COL25A1: variants seen among roughly 807,000 people sequenced by gnomAD.
COL25A1 encodes the protein collagen alpha-1(XXV) chain.
A neutral mutation model predicts 128.4 loss-of-function variants in COL25A1; 103 were observed. The observed-to-expected ratio is 0.80, with a 90% CI of 0.68 to 0.94. COL25A1 has a LOEUF of 0.94. COL25A1 is among the 40% of genes least tolerant of loss of function. The pLI is 0.00. For synonymous variants in COL25A1, 279 were observed against 277.2 expected, an observed-to-expected ratio of 1.01 and a Z score of -0.06; for missense variants, 745 against 840.0, an observed-to-expected ratio of 0.89 and a Z score of 1.40.
At chr4:108,894,890 A>T (rs1399471369) in intron 16 of COL25A1, among the ~76,000 whole-genome samples, 1 of 152,196 alleles carries the variant, frequency 6.6e-6, no homozygotes, top group African/African-American at 2.4e-5. Flanking sequence ...TACAGCAGTG[A>T]TACTCAACTG....
At chr4:109,084,407 CTTA>C (rs1289438681) in intron 3 of COL25A1, among the ~76,000 whole-genome samples, 1 of 152,054 alleles carries the variant, frequency 6.6e-6, no homozygotes, top group African/African-American at 2.4e-5. Context: ...AAGGAAGCTG[CTTA>C]TAAGTTAGCT....
intron 3 of COL25A1, among the ~76,000 whole-genome samples, chr4:109,218,363 T>TTTTTTTTTGTTTTTTTTTTG (rs1578471061): frequency 1.5e-5 from 2 of 135,760 alleles, no homozygotes; most frequent in Admixed American, 7.5e-5. Context: ...TGGGGTTTTT[T>TTTTTTTTTGTTTTTTTTTTG]TTTTTTTTTT....
rs528024183 is a variant in COL25A1, at chr4:109,042,845, T to C, written c.420+5323A>G. On this transcript the variant is annotated intron_variant, in intron 5 of 37. Coordinates refer to ENST00000399132, the MANE Select transcript of COL25A1 (RefSeq NM_198721.4). Reference sequence around the variant, plus strand: ...TAATTAGATGATTTGCGAGTTTGTTTTGAGTAACTGGCAGTTTAAAAGAGC... The same window carrying C: ...TAATTAGATGATTTGCGAGTTTGTTCTGAGTAACTGGCAGTTTAAAAGAGC... Among the ~76,000 whole-genome samples, 137 of 152,196 alleles carry C rather than the reference T, an allele frequency of 9.0e-4. 5 individuals carry two copies. The highest frequency in any genetic ancestry group is 6.8e-4 in the Non-Finnish European group (46 of 67,964).
At chr4:109,276,501 T>G (rs2126270262) in intron 3 of COL25A1, among the ~76,000 whole-genome samples, 1 of 152,162 alleles carries the variant, frequency 6.6e-6, no homozygotes, top group South Asian at 2.1e-4. Context: ...ATAGTATAAT[T>G]CTTTGGGGGG....
At chr4:108,871,215 C>G (rs954295506) in intron 19 of COL25A1, among the ~76,000 whole-genome samples, 1 of 152,054 alleles carries the variant, frequency 6.6e-6, no homozygotes, top group African/African-American at 2.4e-5. Flanking sequence ...ATCGATAGTT[C>G]TTTGAAACAG....
At chr4:108,874,689 T>C (rs1469267902) in intron 19 of COL25A1, among the ~76,000 whole-genome samples, 3 of 152,204 alleles carry the variant, frequency 2.0e-5, no homozygotes, top group Non-Finnish European at 4.4e-5. Flanking sequence ...GGACATTTTC[T>C]GAAAGTGTTT....
intron 8 of COL25A1, among the ~76,000 whole-genome samples, chr4:108,965,365 T>C (rs1388872070): frequency 6.6e-6 from 1 of 152,222 alleles, no homozygotes; most frequent in East Asian, 1.9e-4. Flanking sequence ...TTATCAGGAC[T>C]CTGTGTTATT....
intron 3 of COL25A1, among the ~76,000 whole-genome samples, chr4:109,074,010 G>A (rs558547905): frequency 5.3e-5 from 8 of 152,300 alleles, no homozygotes; most frequent in East Asian, 3.9e-4. Flanking sequence ...GACCAGTTTC[G>A]TGGAAGACAA....
intron 6 of COL25A1, among the ~76,000 whole-genome samples, chr4:109,000,953 C>A (rs1561002757): frequency 6.6e-6 from 1 of 151,234 alleles, no homozygotes; most frequent in East Asian, 1.9e-4. Flanking sequence ...GAAGAAAAGG[C>A]AAAAAGAAAA....
At chr4:109,146,349 A>G (rs973425825) in intron 3 of COL25A1, among the ~76,000 whole-genome samples, 5 of 152,240 alleles carry the variant, frequency 3.3e-5, no homozygotes, top group African/African-American at 1.2e-4. Flanking sequence ...CAGAATCATA[A>G]AAGCATCCTG....
At chr4:109,084,728 GA>G (rs901733493) in intron 3 of COL25A1, among the ~76,000 whole-genome samples, 15 of 152,158 alleles carry the variant, frequency 9.9e-5, no homozygotes, top group African/African-American at 3.6e-4. Flanking sequence ...GATTCATTTA[GA>G]ATGCAAAATC....
intron 3 of COL25A1, among the ~76,000 whole-genome samples, chr4:109,151,599 G>A (rs534286439): frequency 3.2e-4 from 49 of 152,166 alleles, no homozygotes; most frequent in African/African-American, 1.1e-3. Flanking sequence ...TGTATCAACT[G>A]GTTATGGGAA....
At chr4:109,011,980 G>A (rs533433960) in intron 5 of COL25A1, among the ~76,000 whole-genome samples, 24 of 152,280 alleles carry the variant, frequency 1.6e-4, no homozygotes, top group East Asian at 7.7e-4. Flanking sequence ...AGCACTAAAC[G>A]TAGAGAAGAT....
intron 13 of COL25A1, among the ~76,000 whole-genome samples, chr4:108,902,306 A>T (rs1742936321): frequency 6.6e-6 from 1 of 151,950 alleles, no homozygotes; most frequent in African/African-American, 2.4e-5. Flanking sequence ...TGAGGTAGGT[A>T]CTATTTTTAT....
intron 3 of COL25A1, among the ~76,000 whole-genome samples, chr4:109,135,879 C>G (rs1001526331): frequency 3.9e-5 from 6 of 152,158 alleles, no homozygotes; most frequent in African/African-American, 1.4e-4. Flanking sequence ...ATATAGAGAA[C>G]ATAAGCTTGT....
intron 3 of COL25A1, among the ~76,000 whole-genome samples, chr4:109,171,016 T>C (rs2126131169): frequency 6.6e-6 from 1 of 152,256 alleles, no homozygotes; most frequent in African/African-American, 2.4e-5. Flanking sequence ...TTCACTTCTA[T>C]ATCCCTGGTC....
At chr4:109,066,659 T>C (rs1762478322) in intron 3 of COL25A1, among the ~76,000 whole-genome samples, 1 of 152,108 alleles carries the variant, frequency 6.6e-6, no homozygotes, top group African/African-American at 2.4e-5. Flanking sequence ...TCAAATTCCT[T>C]TCTTCCTTTT....
chr4:108,901,029 G>A (rs1742779908), intron 14 of COL25A1, 90 bp downstream of exon 14: 3 of 1,017,928 alleles, frequency 2.9e-6, no homozygotes, highest in Non-Finnish European at 4.6e-6. Context: ...TGCAACTGGT[G>A]AGATTGTTAA....
At chr4:108,996,588 C>T (rs1050676815) in intron 6 of COL25A1, among the ~76,000 whole-genome samples, 8 of 152,018 alleles carry the variant, frequency 5.3e-5, no homozygotes, top group Non-Finnish European at 8.8e-5. Context: ...ACAAGGATAC[C>T]CAGGACGTGA....
Sources: allele counts gnomAD v4.1 joint callset (sites outside exome capture counted in the v4.1 genomes callset), GRCh38; gene constraint gnomAD v4.1.1; transcripts MANE v1.5; gene names NCBI Gene and HGNC (gene_info 2026-07-23, HGNC 2026-07-21).